The following CFAP157 variants were observed in gnomAD, a reference collection of about 807,000 sequenced individuals.
The protein encoded by CFAP157 is cilia and flagella associated protein 157, also known as cilia- and flagella-associated protein 157.
A neutral mutation model predicts 57.8 loss-of-function variants in CFAP157; 43 were observed. That is an observed-to-expected ratio of 0.74 (90% confidence interval 0.58 to 0.96). CFAP157 has a LOEUF of 0.96. Ranked by LOEUF, CFAP157 falls within the 40% of genes least tolerant of loss-of-function variation. CFAP157 has a pLI of 0.00. For missense variants in CFAP157, 606 were observed against 655.3 expected (o/e 0.92, Z 0.82); for synonymous variants, 267 against 269.0 (o/e 0.99, Z 0.07).
At chr9:127,712,513 C>T (rs1842789931) in intron 6 of CFAP157, 164 bp downstream of exon 6, 1 of 1,478,278 alleles carries the variant, frequency 6.8e-7, no homozygotes, top group African/African-American at 1.4e-5. Flanking sequence ...AAGATCCCTC[C>T]AAGGTCTTAA....
rs199642437 is a variant in CFAP157 at position 127,712,212 on chromosome 9, C to G, written c.1000C>G (p.Gln334Glu). ...GTTGGGGTCCAGGAGCCAGAGAGAC[C>G]AGCTGAGCCTGCAGCTGGAGCAGCA... Reference protein sequence around the residue: ...DNQALKSQRDQLSLQLEQQQV... With the variant: ...DNQALKSQRDELSLQLEQQQV... The change falls in exon 6 of 9, where the codon CAG becomes GAG. Residue 334 changes from glutamine to glutamate, a missense_variant. Transcript: ENST00000373295. 5.6e-5 allele frequency: 90 copies of G among 1,613,852 alleles called. No homozygotes were observed. Among genetic ancestry groups the G allele is most frequent in the Non-Finnish European group, 6.9e-5 (82 of 1,179,982 alleles).
At position 127,712,786 on chromosome 9, in the gene CFAP157, G is replaced by A; in HGVS notation, c.1215G>A (p.Leu405=). The stretch of plus-strand genomic sequence containing the variant: ...ACAAGGAGATGCTGCAGCAACTGCT[G>A]GTCATGCTCAGCTCCACTGTGGCCA... ...PWHKEMLQQL[L]VMLSSTVATR... is the part of the protein sequence containing the mutation. Residue 405 remains leucine, a synonymous_variant, in exon 7 of 9, where the codon CTG becomes CTA. Coordinates refer to ENST00000373295, the MANE Select transcript of CFAP157 (RefSeq NM_001012502.3). 2 of 1,614,170 alleles carry A rather than the reference G, an allele frequency of 1.2e-6. No individual in the cohort carries two copies. The highest frequency in any genetic ancestry group is 8.5e-7 in the Non-Finnish European group (1 of 1,180,016).
In CFAP157 at chr9:127,715,594, C is replaced by G; in HGVS notation, c.*1689C>G. On this transcript the variant is annotated 3_prime_UTR_variant, in exon 9 of 9. Coordinates refer to ENST00000373295, the MANE Select transcript of CFAP157 (RefSeq NM_001012502.3). The surrounding 1 kb of genome is among the most constrained non-coding windows in gnomAD (Gnocchi z 5.8). ...GGCTCCAAAACACATCGGCTCATGGCTCTACTCAGCCGCTGTCCGGCGCCC... is the reference window on the plus strand; with the variant it reads ...GGCTCCAAAACACATCGGCTCATGGGTCTACTCAGCCGCTGTCCGGCGCCC... 6.2e-7 allele frequency: 1 copy of G among 1,613,222 alleles called. No homozygotes were observed. The highest frequency in any genetic ancestry group is 8.5e-7 in the Non-Finnish European group (1 of 1,180,028).
At position 127,708,612 on chromosome 9, in the gene CFAP157, CTGAGA is replaced by C. The variant is rs200746956; in HGVS notation, c.162-808_162-804del. Among the ~76,000 whole-genome samples the C allele has an allele frequency of 2.9e-3, 446 of 152,308 alleles. 11 individuals carry two copies. In the East Asian group the frequency reaches 0.063, roughly 21 times the overall value. On this transcript the variant is annotated intron_variant, in intron 1 of 8. Transcript: ENST00000373295. Reference sequence around the variant, plus strand: ...TTGAAATTCACAAACTTCCCTTGAGCTGAGATATCAGGTAGAATATATTCAAGGCA... The same window carrying C: ...TTGAAATTCACAAACTTCCCTTGAGCTATCAGGTAGAATATATTCAAGGCA...
In CFAP157 at chr9:127,712,741, C is replaced by A. The variant is rs553511710; in HGVS notation, c.1170C>A (p.Asp390Glu). ...MHRDEEDSDV[D>E]VTFQPWHKEM... ...GCGATGAAGAGGACAGTGACGTTGA[C>A]GTGACGTTCCAGCCATGGCACAAGG... Residue 390 changes from aspartate (D) to glutamate (E), a missense_variant, in exon 7 of 9, where the codon GAC becomes GAA. Coordinates refer to ENST00000373295, the MANE Select transcript of CFAP157 (RefSeq NM_001012502.3). 1.2e-6 allele frequency: 2 copies of A among 1,614,162 alleles called. No homozygotes were observed. The highest frequency in any genetic ancestry group is 8.5e-7 in the Non-Finnish European group (1 of 1,179,998).
In CFAP157 at chr9:127,707,026, T is replaced by C. The variant is rs764901514; in HGVS notation, c.-6T>C. 6.8e-6 allele frequency: 11 copies of C among 1,613,130 alleles called. No individual in the cohort carries two copies. The highest frequency in any genetic ancestry group is 8.5e-6 in the Non-Finnish European group (10 of 1,179,574). On this transcript the variant is annotated 5_prime_UTR_variant, in exon 1 of 9. Transcript: ENST00000373295. ...CTGGGGCCTGGAGCCCTGGTTGCCA[T>C]CAGCCATGGCTCCCAAAAAGAGTGT...
At position 127,713,834 on chromosome 9, in the gene CFAP157, A is replaced by T; in HGVS notation, c.1492A>T (p.Met498Leu). ...GTFRAHSSPE[M>L]RAPGSLKRLE... ...CAAGCCAGCATCTTTAATCTTACAG[A>T]TGCGTGCCCCTGGTTCTCTAAAAAG... Residue 498 changes from methionine to leucine, a missense_variant and splice_region_variant, in exon 9 of 9, where the codon ATG (methionine) becomes TTG (leucine). Physicochemically the swap from Met to Leu is conservative, Grantham distance 15. Transcript: ENST00000373295. The T allele has an allele frequency of 6.2e-7, 1 of 1,613,666 alleles. No homozygotes were observed. Among genetic ancestry groups the T allele is most frequent in the Non-Finnish European group, 8.5e-7 (1 of 1,179,886 alleles).
At position 127,707,159 on chromosome 9, in the gene CFAP157, T is replaced by C; in HGVS notation, c.128T>C (p.Ile43Thr). 6.2e-7 allele frequency: 1 copy of C among 1,613,372 alleles called. No individual in the cohort carries two copies. The highest frequency in any genetic ancestry group is 2.2e-5 in the East Asian group (1 of 44,824). ...LAKEMKEFYH[I>T]QIRDLEDRLA... Reference sequence around the variant, plus strand: ...AAGGAGATGAAGGAGTTCTACCACATCCAGATCCGAGACCTGGAGGACCGG... The same window carrying C: ...AAGGAGATGAAGGAGTTCTACCACACCCAGATCCGAGACCTGGAGGACCGG... The change falls in exon 1 of 9, where the codon ATC becomes ACC. Residue 43 changes from isoleucine to threonine, a missense_variant. Coordinates refer to ENST00000373295, the MANE Select transcript of CFAP157 (RefSeq NM_001012502.3).
chr9:127,715,910 C>T lies in CFAP157; in HGVS notation c.*2005C>T. 1 of 755,884 alleles carries T rather than the reference C, an allele frequency of 1.3e-6. No individual in the cohort carries two copies. Among genetic ancestry groups the T allele is most frequent in the Non-Finnish European group, 2.1e-6 (1 of 477,208 alleles). The allele number at this position is 755,884 out of a possible 1,614,324, so 46.8% of individuals were successfully genotyped here. A position where few individuals can be genotyped will look rare whatever the true frequency, so the allele number is the denominator to read the frequency against. The stretch of plus-strand genomic sequence containing the variant: ...TCGGTTGGGAGGCCTTGTTATGCCC[C>T]CCGCTATGGCCCTGACTTGCGGCGA... On this transcript the variant is annotated 3_prime_UTR_variant, in exon 9 of 9. Transcript: ENST00000373295. This position sits in a 1 kb window ranked among gnomAD's most constrained non-coding sequence, Gnocchi z 5.8.
rs1371401176 is a variant in CFAP157 at position 127,715,566 on chromosome 9, C to G, written c.*1661C>G. The stretch of plus-strand genomic sequence containing the variant: ...CACCATCCACCGCTTCCCCGGGGGG[C>G]GAGGCTCCAAAACACATCGGCTCAT... On this transcript the variant is annotated 3_prime_UTR_variant, in exon 9 of 9. Coordinates refer to ENST00000373295, the MANE Select transcript of CFAP157 (RefSeq NM_001012502.3). The surrounding 1 kb of genome is among the most constrained non-coding windows in gnomAD (Gnocchi z 5.8). 6.2e-7 allele frequency: 1 copy of G among 1,613,536 alleles called. No individual in the cohort carries two copies. The highest frequency in any genetic ancestry group is 1.7e-5 in the Admixed American group (1 of 60,030).
At chr9:127,708,482 T>G (rs1842695539) in intron 1 of CFAP157, among the ~76,000 whole-genome samples, 1 of 152,034 alleles carries the variant, frequency 6.6e-6, no homozygotes, top group African/African-American at 2.4e-5. Context: ...ATTTCAAAAA[T>G]TAATTAATTA....
Position 127,715,724 on chromosome 9 carries a change from G to T in CFAP157, c.*1819G>T. 1.3e-6 allele frequency: 2 copies of T among 1,550,432 alleles called. No individual in the cohort carries two copies. Among genetic ancestry groups the T allele is most frequent in the Non-Finnish European group, 1.7e-6 (2 of 1,153,350 alleles). Reference sequence around the variant, plus strand: ...TGTTGCCAACTGTTTGGCGTCCACCGCCAACGTCCAATCCGGGCCGGGCTA... The same window carrying T: ...TGTTGCCAACTGTTTGGCGTCCACCTCCAACGTCCAATCCGGGCCGGGCTA... On this transcript the variant is annotated 3_prime_UTR_variant, in exon 9 of 9. Coordinates refer to ENST00000373295, the MANE Select transcript of CFAP157 (RefSeq NM_001012502.3). This position sits in a 1 kb window ranked among gnomAD's most constrained non-coding sequence, Gnocchi z 5.8.
At position 127,707,091 on chromosome 9, in the gene CFAP157, G is replaced by A. The variant is rs777693958; in HGVS notation, c.60G>A (p.Gly20=). ...AGGAGCTTGAAGTCAAGAAGAAAGG[G>A]GGCAAGAAGGAGCCGGTGGTGGCCG... is the stretch of plus-strand genomic sequence containing the variant. ...AGKELEVKKK[G]GKKEPVVAVE... is the part of the protein sequence containing the mutation. Residue 20 remains glycine, a synonymous_variant, in exon 1 of 9, where the codon GGG becomes GGA. Coordinates refer to ENST00000373295, the MANE Select transcript of CFAP157 (RefSeq NM_001012502.3). The A allele has an allele frequency of 6.2e-7, 1 of 1,613,952 alleles. No individual in the cohort carries two copies. The highest frequency in any genetic ancestry group is 1.7e-5 in the Admixed American group (1 of 60,024).
At chr9:127,707,511 G>A (rs755392455) in intron 1 of CFAP157, among the ~76,000 whole-genome samples, 2 of 152,100 alleles carry the variant, frequency 1.3e-5, no homozygotes, top group African/African-American at 4.8e-5. Context: ...TTTATGAAAG[G>A]GTGGAAACAG....
At chr9:127,710,497 GC>G in intron 2 of CFAP157, 103 bp from the exon 3 acceptor site, 1 of 1,379,526 alleles carries the variant, frequency 7.2e-7, no homozygotes, top group Non-Finnish European at 9.8e-7. Flanking sequence ...ACCACACAGG[GC>G]GCACAGGAAG....
At position 127,710,607 on chromosome 9, in the gene CFAP157, A is replaced by T. The variant is rs200486914; in HGVS notation, c.440A>T (p.Lys147Met). The change falls in exon 3 of 9, where the codon AAG becomes ATG. Residue 147 changes from lysine (K) to methionine (M), a missense_variant. Lys to Met is a moderately conservative substitution (Grantham distance 95). Coordinates refer to ENST00000373295, the MANE Select transcript of CFAP157 (RefSeq NM_001012502.3). Reference protein sequence around the residue: ...LTTENIILGGKLAALEEFRLQ... With the variant: ...LTTENIILGGMLAALEEFRLQ... ...TGTGCGCTGTGGCGGCCAGGGGGGA[A>T]GCTGGCAGCCCTGGAGGAGTTCCGG... 6.3e-7 allele frequency: 1 copy of T among 1,582,430 alleles called. No individual in the cohort carries two copies. The highest frequency in any genetic ancestry group is 8.6e-7 in the Non-Finnish European group (1 of 1,164,020).
chr9:127,714,312 C>T lies in CFAP157; in HGVS notation c.*407C>T. 6.2e-7 allele frequency: 1 copy of T among 1,614,068 alleles called. No homozygotes were observed. Among genetic ancestry groups the T allele is most frequent in the South Asian group, 1.1e-5 (1 of 91,088 alleles). ...GGGAGAGCCAGAGAGGCCCAGGAAG[C>T]TTTGGCGAGGTGCTGGGGGACCCCT... On this transcript the variant is annotated 3_prime_UTR_variant, in exon 9 of 9. Coordinates refer to ENST00000373295, the MANE Select transcript of CFAP157 (RefSeq NM_001012502.3).
chr9:127,714,140 T>C lies in CFAP157; in HGVS notation c.*235T>C. 1 of 1,613,746 alleles carries C rather than the reference T, an allele frequency of 6.2e-7. No homozygotes were observed. Among genetic ancestry groups the C allele is most frequent in the Non-Finnish European group, 8.5e-7 (1 of 1,179,972 alleles). On this transcript the variant is annotated 3_prime_UTR_variant, in exon 9 of 9. Transcript: ENST00000373295. ...GGGCCCCTGGCTTCGCTCACGGATG[T>C]GGTCCAAGATCAGGTCGGTGGCTCG...
intron 1 of CFAP157, 126 bp downstream of exon 1, chr9:127,707,318 C>A: frequency 1.1e-6 from 1 of 940,002 alleles, no homozygotes; most frequent in Non-Finnish European, 1.6e-6. Context: ...TGTCCAGACC[C>A]CATCCCGACC....
Sources: gnomAD v4.1 joint callset for allele counts (sites outside exome capture counted in the v4.1 genomes callset) on GRCh38, gnomAD v4.1.1 for gene constraint, Gnocchi (gnomAD v3.1) non-coding constraint, MANE v1.5 for transcripts, NCBI Gene and HGNC (gene_info 2026-07-23, HGNC 2026-07-21) for gene names.